Variants in GNAI1 observed in about 807,000 individuals in gnomAD.
GNAI1 encodes the protein guanine nucleotide-binding protein G(i) subunit alpha-1.
In GNAI1, 11 loss-of-function variants were observed where a neutral mutation model predicts 38.9. That is an observed-to-expected ratio of 0.28 (90% CI 0.18 to 0.47). The LOEUF is 0.47. Ranked by LOEUF, GNAI1 falls within the 20% of genes least tolerant of loss-of-function variation. The pLI, the probability that GNAI1 is intolerant of heterozygous loss-of-function variation, is 0.99. For synonymous variants in GNAI1, 166 were observed against 145.1 expected (o/e 1.14, Z -1.04); for missense variants, 317 against 436.9 (o/e 0.73, Z 2.45).
chr7:80,217,407 A>G lies in GNAI1; in HGVS notation c.979A>G (p.Thr327Ala), dbSNP rs1390724642. The G allele has an allele frequency of 6.2e-7, 1 of 1,607,638 alleles. No homozygotes were observed. The highest frequency in any genetic ancestry group is 8.5e-7 in the Non-Finnish European group (1 of 1,175,088). ...KEIYTHFTCA[T>A]DTKNVQFVFD... ...AATATACACCCACTTCACATGTGCCACAGATACTAAGAATGTGCAGTTTGT... is the reference window on the plus strand; with the variant it reads ...AATATACACCCACTTCACATGTGCCGCAGATACTAAGAATGTGCAGTTTGT... Residue 327 changes from threonine to alanine, a missense_variant, in exon 8 of 8, where the codon ACA (threonine) becomes GCA (alanine). Physicochemically the swap from Thr to Ala is moderately conservative, Grantham distance 58. Around this residue, in one of 5 missense-constraint regions of GNAI1, gnomAD observed 15 missense variants for 36.6 expected, o/e 0.41. Coordinates refer to ENST00000649796, the MANE Select transcript of GNAI1 (RefSeq NM_002069.6).
intron 1 of GNAI1, among the ~76,000 whole-genome samples, chr7:80,181,725 A>G (rs1052225270): frequency 2.0e-5 from 3 of 152,142 alleles, no homozygotes; most frequent in East Asian, 1.9e-4. Flanking sequence ...CTGCAGCTAA[A>G]TGTTCAAAAT....
At position 80,220,292 on chromosome 7, in the gene GNAI1, G is replaced by T. The variant is rs2115736718; in HGVS notation, c.*2799G>T. ...CCTACAATGTGGGAAGTGTTCATTT[G>T]TGTCTGTCAATGTTATTTTTATTAG... On this transcript the variant is annotated 3_prime_UTR_variant, in exon 8 of 8. Coordinates refer to ENST00000649796, the MANE Select transcript of GNAI1 (RefSeq NM_002069.6). 6.6e-6 allele frequency among the ~76,000 whole-genome samples: 1 copy of T among 152,284 alleles called. No homozygotes were observed. The highest frequency in any genetic ancestry group is 3.4e-3 in the Middle Eastern group (1 of 294).
intron 7 of GNAI1, among the ~76,000 whole-genome samples, chr7:80,216,835 TA>T (rs1788976968): frequency 6.6e-6 from 1 of 152,020 alleles, no homozygotes; most frequent in Non-Finnish European, 1.5e-5. Flanking sequence ...AATTTTTGAA[TA>T]AAGAAAAATG....
chr7:80,149,100 A>C (rs1787681226), intron 1 of GNAI1, among the ~76,000 whole-genome samples: 1 of 152,082 alleles, frequency 6.6e-6, no homozygotes, highest in Admixed American at 6.6e-5. Flanking sequence ...CATTTGAGTA[A>C]ATTTCTTTTC....
chr7:80,161,499 G>A (rs1787922768), intron 1 of GNAI1, among the ~76,000 whole-genome samples: 1 of 152,080 alleles, frequency 6.6e-6, no homozygotes, highest in Non-Finnish European at 1.5e-5. Flanking sequence ...TTTTACCACT[G>A]GGCATGCTAG....
At chr7:80,187,818 C>T (rs866524286) in intron 1 of GNAI1, among the ~76,000 whole-genome samples, 13 of 152,080 alleles carry the variant, frequency 8.5e-5, no homozygotes, top group African/African-American at 2.4e-4. Context: ...GTTCTCAATA[C>T]CCAGCAATCA....
At chr7:80,191,565 T>C (rs1024102428) in intron 3 of GNAI1, among the ~76,000 whole-genome samples, 2 of 152,106 alleles carry the variant, frequency 1.3e-5, no homozygotes, top group African/African-American at 4.8e-5. Flanking sequence ...CTAATTTTTG[T>C]ATTTTTAGTA....
At chr7:80,175,483 C>T (rs1184995547) in intron 1 of GNAI1, among the ~76,000 whole-genome samples, 1 of 151,458 alleles carries the variant, frequency 6.6e-6, no homozygotes, top group Non-Finnish European at 1.5e-5. Context: ...ACAAGATAGA[C>T]CGATGGATTT....
intron 5 of GNAI1, among the ~76,000 whole-genome samples, chr7:80,210,729 CTTTT>C (rs11347260): frequency 7.5e-4 from 97 of 129,424 alleles, no homozygotes; most frequent in Admixed American, 1.6e-3. Context: ...TTTGTTTTTG[CTTTT>C]TTTTTTTTTT....
chr7:80,200,409 T>A (rs903999357), intron 4 of GNAI1, among the ~76,000 whole-genome samples: 7 of 145,106 alleles, frequency 4.8e-5, no homozygotes, highest in Middle Eastern at 3.6e-3. Flanking sequence ...AAAAAAAAAA[T>A]TTATAATTTG....
At chr7:80,217,092 A>G (rs1005591589) in intron 7 of GNAI1, among the ~76,000 whole-genome samples, 79 of 152,030 alleles carry the variant, frequency 5.2e-4, no homozygotes, top group African/African-American at 1.9e-3. Flanking sequence ...TGTTTAAGGG[A>G]TAACTTAGTC....
intron 4 of GNAI1, among the ~76,000 whole-genome samples, chr7:80,201,888 G>A (rs895766629): frequency 6.6e-6 from 1 of 152,160 alleles, no homozygotes; most frequent in African/African-American, 2.4e-5. Flanking sequence ...AGGGCATCGT[G>A]ATCTATGAGT....
chr7:80,136,013 A>G (rs1428329004), intron 1 of GNAI1: 1 of 985,402 alleles, frequency 1.0e-6, no homozygotes. Flanking sequence ...CGAGAGGGTC[A>G]CGCCAGACAA....
At position 80,222,575 on chromosome 7, in the gene GNAI1, C is replaced by T. The variant is rs942789699; in HGVS notation, c.*5082C>T. Among the ~76,000 whole-genome samples the T allele has an allele frequency of 2.6e-5, 4 of 151,724 alleles. No homozygotes were observed. Among genetic ancestry groups the T allele is most frequent in the Admixed American group, 6.6e-5 (1 of 15,232 alleles). On this transcript the variant is annotated 3_prime_UTR_variant, in exon 8 of 8. Transcript: ENST00000649796. The stretch of plus-strand genomic sequence containing the variant: ...ACTAATCTTGTATTTTTAGTAGAGA[C>T]GGGGTTTCTCCATGTCGGTCGGGCT...
chr7:80,215,860 C>T (rs1788959407), intron 7 of GNAI1, among the ~76,000 whole-genome samples: 1 of 152,112 alleles, frequency 6.6e-6, no homozygotes, highest in Non-Finnish European at 1.5e-5. Flanking sequence ...GCAGAGATCT[C>T]AGCCGGTGAA....
intron 1 of GNAI1, among the ~76,000 whole-genome samples, chr7:80,179,558 C>G (rs1333017730): frequency 1.3e-5 from 2 of 152,086 alleles, no homozygotes; most frequent in Non-Finnish European, 2.9e-5. Flanking sequence ...CCTTAGTTGC[C>G]AGAAATTTGG....
chr7:80,174,313 A>C (rs560820871), intron 1 of GNAI1, among the ~76,000 whole-genome samples: 2 of 152,030 alleles, frequency 1.3e-5, no homozygotes, highest in African/African-American at 4.8e-5. Context: ...TAATTTTTTT[A>C]AATTTATTTT....
chr7:80,167,924 C>T (rs538433734), intron 1 of GNAI1, among the ~76,000 whole-genome samples: 2 of 152,154 alleles, frequency 1.3e-5, no homozygotes, highest in African/African-American at 2.4e-5. Context: ...TATAAAGTTA[C>T]GATTTTTCAC....
intron 1 of GNAI1, among the ~76,000 whole-genome samples, chr7:80,160,788 T>A (rs922520250): frequency 6.6e-6 from 1 of 152,168 alleles, no homozygotes; most frequent in Non-Finnish European, 1.5e-5. Flanking sequence ...TTTGAGTATT[T>A]CCTAAGGAAG....
Sources: allele counts gnomAD v4.1 joint callset (sites outside exome capture counted in the v4.1 genomes callset), GRCh38; gene constraint gnomAD v4.1.1; regional missense constraint gnomAD v4.1.1; transcripts MANE v1.5; gene names NCBI Gene and HGNC (gene_info 2026-07-23, HGNC 2026-07-21).